Variants in EML2 observed in about 807,000 individuals in gnomAD.
The protein encoded by EML2 is echinoderm microtubule-associated protein-like 2.
Under a neutral mutation model 84.7 loss-of-function variants are expected in EML2, and 59 were observed. The observed-to-expected ratio is 0.70, with a 90% confidence interval of 0.56 to 0.86. The LOEUF is 0.86. EML2 is among the 40% of genes least tolerant of loss of function. EML2 has a pLI of 0.00. For missense variants in EML2, 818 were observed against 855.6 expected (o/e 0.96, Z 0.55); for synonymous variants, 352 against 348.9 (o/e 1.01, Z -0.10).
chr19:45,639,834 A>G (rs891701923), upstream of EML2, among the ~76,000 whole-genome samples: 8 of 151,994 alleles, frequency 5.3e-5, no homozygotes, highest in Admixed American at 2.0e-4. Flanking sequence ...TCTCTACTAA[A>G]AATACAAAAC....
intron 4 of EML2, 30 bp downstream of exon 4, chr19:45,634,292 C>T: frequency 6.2e-7 from 1 of 1,611,884 alleles, no homozygotes; most frequent in East Asian, 2.2e-5. Context: ...AGCCACAGCT[C>T]CCTCCCGTCC....
At chr19:45,638,275 G>C (rs1024844506) in intron 3 of EML2, among the ~76,000 whole-genome samples, 3 of 152,200 alleles carry the variant, frequency 2.0e-5, no homozygotes, top group Non-Finnish European at 2.9e-5. Context: ...CCAGAGCCCG[G>C]GCTTCCAGCC....
chr19:45,641,938 C>T, upstream of EML2: 1 of 1,442,824 alleles, frequency 6.9e-7, no homozygotes, highest in Non-Finnish European at 9.1e-7. Flanking sequence ...AGGTCGCCTC[C>T]TTCTTGGGAG....
chr19:45,634,535 T>G, intron 3 of EML2, 64 bp from the exon 4 acceptor site: 1 of 1,148,080 alleles, frequency 8.7e-7, no homozygotes, highest in Non-Finnish European at 1.1e-6. Context: ...TGTTTTGTTT[T>G]TATTTATTTA....
Position 45,619,084 on chromosome 19 carries a change from C to T in EML2, c.1230G>A (p.Gln410=), listed in dbSNP as rs370909833. 1.2e-6 allele frequency: 2 copies of T among 1,612,974 alleles called. No homozygotes were observed. Among genetic ancestry groups the T allele is most frequent in the African/African-American group, 2.7e-5 (2 of 74,896 alleles). Residue 410 remains glutamine, a synonymous_variant, in exon 12 of 19, where the codon CAG becomes CAA. Coordinates refer to ENST00000245925, the MANE Select transcript of EML2 (RefSeq NM_012155.4). ...LVHLWSSDSH[Q]PLWSRIIEDP... is the part of the protein sequence containing the mutation. ...CCTCGATGATCCTGCTCCACAGGGG[C>T]TGGTGGGAATCTGAGCTCCATAGAT...
At chr19:45,643,685 C>A (rs1053881947), upstream of EML2, 1 of 1,535,720 alleles carries the variant, frequency 6.5e-7, no homozygotes, top group African/African-American at 1.4e-5. Flanking sequence ...CCCTGCCATC[C>A]CGCGTCCACA....
chr19:45,615,200 C>T (rs878998354), intron 16 of EML2, among the ~76,000 whole-genome samples: 2 of 152,034 alleles, frequency 1.3e-5, no homozygotes, highest in Non-Finnish European at 2.9e-5. Flanking sequence ...ATTAGCTGGG[C>T]GTGGTGGTGG....
At position 45,616,489 on chromosome 19, in the gene EML2, C is replaced by T. The variant is rs866166593; in HGVS notation, c.1481G>A (p.Arg494His). 7 of 1,594,522 alleles carry T rather than the reference C, an allele frequency of 4.4e-6. No individual in the cohort carries two copies. Among genetic ancestry groups the T allele is most frequent in the South Asian group, 3.3e-5 (3 of 90,474 alleles). Residue 494 changes from arginine (R) to histidine (H), a missense_variant, in exon 15 of 19, where the codon CGC becomes CAC. Coordinates refer to ENST00000245925, the MANE Select transcript of EML2 (RefSeq NM_012155.4). ...VYVYTVDQGG[R>H]KVSRLGKCSG... The stretch of plus-strand genomic sequence containing the variant: ...GCACTTGCCCAGGCGGCTGACCTTG[C>T]GGCCGCCCTGGTCCACCGTGTACAC...
At chr19:45,616,981 C>G in intron 13 of EML2, 128 bp from the exon 14 acceptor site, 1 of 700,424 alleles carries the variant, frequency 1.4e-6, no homozygotes, top group Non-Finnish European at 2.5e-6. Context: ...CACGGTGGCT[C>G]AGGCCTATAA....
intron 9 of EML2, 98 bp from the exon 10 acceptor site, chr19:45,621,735 C>A: frequency 3.1e-6 from 4 of 1,299,674 alleles, no homozygotes; most frequent in Non-Finnish European, 4.1e-6. Context: ...CATCCATTCT[C>A]ACCCACTTTT....
At position 45,609,603 on chromosome 19, in the gene EML2, C is replaced by T; in HGVS notation, c.*60G>A. 6.4e-7 allele frequency: 1 copy of T among 1,554,878 alleles called. No individual in the cohort carries two copies. Among genetic ancestry groups the T allele is most frequent in the South Asian group, 1.2e-5 (1 of 84,718 alleles). ...TCTGGGTATATATTACTCTACTCGGCAATAGACATCTCCCGAAAATAGAAT... is the reference window on the plus strand; with the variant it reads ...TCTGGGTATATATTACTCTACTCGGTAATAGACATCTCCCGAAAATAGAAT... On this transcript the variant is annotated 3_prime_UTR_variant, in exon 19 of 19. Transcript: ENST00000245925.
At chr19:45,637,662 C>CTTTTTTTT (rs1206550438) in intron 3 of EML2, among the ~76,000 whole-genome samples, 4 of 45,798 alleles carry the variant, frequency 8.7e-5, no homozygotes, top group East Asian at 7.6e-4. Flanking sequence ...TTTTCTTTTT[C>CTTTTTTTT]TTTTCTTTTT....
intron 18 of EML2, 64 bp downstream of exon 18, chr19:45,613,477 C>T (rs1568430666): frequency 2.7e-5 from 43 of 1,585,038 alleles, no homozygotes; most frequent in Non-Finnish European, 3.7e-5. Flanking sequence ...ACCAGAGCTG[C>T]CTGAATTTTG....
At chr19:45,639,528 G>A (rs1303565969), upstream of EML2, 1 of 705,120 alleles carries the variant, frequency 1.4e-6, no homozygotes, top group African/African-American at 1.8e-5. Context: ...ACACATCCCG[G>A]GCTGTGGACT....
upstream of EML2, chr19:45,644,619 C>A: frequency 2.2e-6 from 1 of 452,574 alleles, no homozygotes; most frequent in Non-Finnish European, 4.5e-6. Context: ...TCCCTCCTGA[C>A]CATCCCCCCA....
Position 45,621,348 on chromosome 19 carries a change from A to G in EML2, c.997-16T>C. The stretch of plus-strand genomic sequence containing the variant: ...CCTCAGGGACCTGGGTGGACAGATA[A>G]GAGGGAAGATGAGTAGGATGCACAC... On this transcript the variant is annotated splice_polypyrimidine_tract_variant and intron_variant, in intron 10 of 18. Coordinates refer to ENST00000245925, the MANE Select transcript of EML2 (RefSeq NM_012155.4). 7.5e-6 allele frequency: 12 copies of G among 1,593,486 alleles called. No individual in the cohort carries two copies. Among genetic ancestry groups the G allele is most frequent in the Non-Finnish European group, 1.0e-5 (12 of 1,167,526 alleles).
chr19:45,639,337 G>C lies in EML2; in HGVS notation c.20+20C>G. The C allele has an allele frequency of 7.5e-7, 1 of 1,339,034 alleles. No individual in the cohort carries two copies. 82.9% of individuals were successfully genotyped at this position (1,339,034 alleles called of 1,614,324 possible). A position where few individuals can be genotyped will look rare whatever the true frequency, so the allele number is the denominator to read the frequency against. On this transcript the variant is annotated intron_variant, in intron 1 of 18. Coordinates refer to ENST00000245925, the MANE Select transcript of EML2 (RefSeq NM_012155.4). ...GGAGCGCGGAGAGGAGATGGGGGGTGGTCTGCGAAAGGGTCTCACCCAGCT... is the reference window on the plus strand; with the variant it reads ...GGAGCGCGGAGAGGAGATGGGGGGTCGTCTGCGAAAGGGTCTCACCCAGCT...
Position 45,621,642 on chromosome 19 carries a change from A to T in EML2, c.842-5T>A. On this transcript the variant is annotated splice_polypyrimidine_tract_variant and splice_region_variant and intron_variant, in intron 9 of 18. Coordinates refer to ENST00000245925, the MANE Select transcript of EML2 (RefSeq NM_012155.4). ...CCTGTGTGATACGGTTCCCACCTGC[A>T]GGGTGGCCAGGGGCAGGGTCAACAG... 6.2e-7 allele frequency: 1 copy of T among 1,605,394 alleles called. No homozygotes were observed. The highest frequency in any genetic ancestry group is 8.5e-7 in the Non-Finnish European group (1 of 1,179,154).
At chr19:45,638,199 G>A (rs1425629786) in intron 3 of EML2, among the ~76,000 whole-genome samples, 1 of 152,210 alleles carries the variant, frequency 6.6e-6, no homozygotes, top group Non-Finnish European at 1.5e-5. Flanking sequence ...GAGTCAAGAC[G>A]ACTTTTCCAG....
Sources: gnomAD v4.1 joint callset for allele counts (sites outside exome capture counted in the v4.1 genomes callset) on GRCh38, gnomAD v4.1.1 for gene constraint, MANE v1.5 for transcripts, NCBI Gene and HGNC (gene_info 2026-07-23, HGNC 2026-07-21) for gene names.